Variants in SDCCAG8 observed in about 807,000 individuals in gnomAD.
The protein encoded by SDCCAG8 is SHH signaling and ciliogenesis regulator SDCCAG8.
In SDCCAG8, 74 loss-of-function variants were observed where a neutral mutation model predicts 101.8. That is an observed-to-expected ratio of 0.73 (90% CI 0.60 to 0.88). The LOEUF (loss-of-function observed/expected upper bound fraction) is 0.88, where lower values mean the gene tolerates loss of function less well. Among genes scored for constraint, SDCCAG8 ranks in the 40% least tolerant of loss-of-function variants. SDCCAG8 has a pLI of 0.00. For synonymous variants in SDCCAG8, 281 were observed against 292.9 expected (o/e 0.96, Z 0.41); for missense variants, 787 against 822.6 (o/e 0.96, Z 0.53).
chr1:243,429,441 G>T (rs543933968), intron 16 of SDCCAG8, among the ~76,000 whole-genome samples: 2 of 152,246 alleles, frequency 1.3e-5, no homozygotes, highest in South Asian at 2.1e-4. Context: ...TGTACAGGGG[G>T]TTGATGCTCC....
intron 9 of SDCCAG8, among the ~76,000 whole-genome samples, chr1:243,318,947 G>A (rs933251442): frequency 6.6e-6 from 1 of 152,156 alleles, no homozygotes; most frequent in Admixed American, 6.5e-5. Flanking sequence ...AATTTATAAA[G>A]AGAAGTAAGT....
chr1:243,452,133 C>T (rs1558488681), intron 16 of SDCCAG8, among the ~76,000 whole-genome samples: 1 of 152,188 alleles, frequency 6.6e-6, no homozygotes. Flanking sequence ...CACACACAGA[C>T]AGACAGTAGG....
intron 15 of SDCCAG8, among the ~76,000 whole-genome samples, chr1:243,422,024 A>G (rs2081046004): frequency 6.6e-6 from 1 of 152,136 alleles, no homozygotes; most frequent in South Asian, 2.1e-4. Flanking sequence ...GCTGGCAGGG[A>G]GTGAGCCTCT....
chr1:243,257,137 T>G (rs1003981083), intron 1 of SDCCAG8, among the ~76,000 whole-genome samples: 2 of 152,214 alleles, frequency 1.3e-5, no homozygotes, highest in Non-Finnish European at 2.9e-5. Flanking sequence ...GCAGTGATTT[T>G]AAGACTTCTT....
chr1:243,446,802 G>A (rs979244704), intron 16 of SDCCAG8, among the ~76,000 whole-genome samples: 1 of 152,132 alleles, frequency 6.6e-6, no homozygotes, highest in African/African-American at 2.4e-5. Context: ...GTGACCTGCT[G>A]CCCAGTTGGG....
chr1:243,314,918 C>T (rs2073100961), intron 8 of SDCCAG8, among the ~76,000 whole-genome samples: 1 of 152,200 alleles, frequency 6.6e-6, no homozygotes, highest in Admixed American at 6.5e-5. Context: ...GCATGTTGGT[C>T]AGGCTGGTCT....
Position 243,270,256 on chromosome 1 carries a change from T to C in SDCCAG8, c.219T>C (p.Ala73=). The C allele has an allele frequency of 1.2e-6, 2 of 1,614,056 alleles. No homozygotes were observed. The highest frequency in any genetic ancestry group is 1.7e-6 in the Non-Finnish European group (2 of 1,179,964). ...TAWPELQQSH[A]VNQLKDLLRQ... Reference sequence around the variant, plus strand: ...GGCCCGAATTACAACAGAGCCATGCTGGTGAGTGTGAATGTCAATCCTAGT... The same window carrying C: ...GGCCCGAATTACAACAGAGCCATGCCGGTGAGTGTGAATGTCAATCCTAGT... Residue 73 remains alanine, a splice_region_variant and synonymous_variant, in exon 2 of 18, where the codon GCT becomes GCC. Coordinates refer to ENST00000366541, the MANE Select transcript of SDCCAG8 (RefSeq NM_006642.5).
At chr1:243,327,995 C>T (rs148836453) in intron 9 of SDCCAG8, among the ~76,000 whole-genome samples, 9 of 151,052 alleles carry the variant, frequency 6.0e-5, no homozygotes, top group East Asian at 2.0e-4. Flanking sequence ...CTCCGCCTCC[C>T]GGGTTCACGC....
intron 17 of SDCCAG8, among the ~76,000 whole-genome samples, chr1:243,496,110 G>T (rs1217408885): frequency 6.6e-6 from 1 of 152,224 alleles, no homozygotes; most frequent in Non-Finnish European, 1.5e-5. Context: ...GATCATTGTG[G>T]GCTTGAAAGG....
Position 243,436,489 on chromosome 1 carries a change from ACT to A in SDCCAG8, c.1985+9934_1985+9935del, listed in dbSNP as rs1342368638. ...GTTGTTTTAGCACTATTTGTTAAAA[ACT>A]CTATTTTTGCTCTATTCTACTACTT... On this transcript the variant is annotated intron_variant, in intron 16 of 17. Transcript: ENST00000366541. Among the ~76,000 whole-genome samples, 3 of 151,662 alleles carry A rather than the reference ACT, an allele frequency of 2.0e-5. No homozygotes were observed. In the East Asian group the frequency reaches 5.8e-4, roughly 29 times the overall value.
At chr1:243,322,412 A>C (rs1390996114) in intron 9 of SDCCAG8, among the ~76,000 whole-genome samples, 3 of 152,198 alleles carry the variant, frequency 2.0e-5, no homozygotes, top group Non-Finnish European at 4.4e-5. Flanking sequence ...ACTCAACAAA[A>C]ATTAAAAATA....
At chr1:243,415,677 T>C in intron 13 of SDCCAG8, 25 bp from the exon 14 acceptor site, 1 of 1,613,604 alleles carries the variant, frequency 6.2e-7, no homozygotes, top group Non-Finnish European at 8.5e-7. Flanking sequence ...ATTAAATTTC[T>C]GTATGTCTCC....
At chr1:243,341,657 T>G (rs544999959) in intron 11 of SDCCAG8, among the ~76,000 whole-genome samples, 1 of 152,290 alleles carries the variant, frequency 6.6e-6, no homozygotes, top group South Asian at 2.1e-4. Context: ...GTCATTAAAA[T>G]AAAGATTCTA....
At chr1:243,372,932 CTA>C (rs1558373200) in intron 12 of SDCCAG8, among the ~76,000 whole-genome samples, 1 of 144,766 alleles carries the variant, frequency 6.9e-6, no homozygotes, top group African/African-American at 2.6e-5. Context: ...ATATCTATAT[CTA>C]TATCTATATC....
intron 4 of SDCCAG8, among the ~76,000 whole-genome samples, chr1:243,283,707 A>G (rs750668694): frequency 6.0e-4 from 91 of 151,852 alleles, no homozygotes; most frequent in Admixed American, 5.9e-4. Context: ...TATTTTTTCT[A>G]TTAGAGACCT....
chr1:243,411,389 T>C (rs2080165742), intron 13 of SDCCAG8, among the ~76,000 whole-genome samples: 1 of 152,174 alleles, frequency 6.6e-6, no homozygotes, highest in African/African-American at 2.4e-5. Flanking sequence ...AGTGCTGGGA[T>C]TACAGGTGTA....
At chr1:243,406,813 G>T (rs1463399706) in intron 13 of SDCCAG8, among the ~76,000 whole-genome samples, 1 of 152,078 alleles carries the variant, frequency 6.6e-6, no homozygotes, top group Non-Finnish European at 1.5e-5. Flanking sequence ...AGGGCACCTG[G>T]TTATCTCTCC....
intron 16 of SDCCAG8, among the ~76,000 whole-genome samples, chr1:243,436,457 A>G (rs1219076188): frequency 6.6e-6 from 1 of 152,002 alleles, no homozygotes; most frequent in East Asian, 1.9e-4. Flanking sequence ...TTGCATATGG[A>G]TATCTAGTTG....
intron 16 of SDCCAG8, among the ~76,000 whole-genome samples, chr1:243,487,344 C>G (rs1665162660): frequency 6.6e-6 from 1 of 152,242 alleles, no homozygotes; most frequent in Non-Finnish European, 1.5e-5. Context: ...GAAAGGCTGC[C>G]TCAGCCCCAG....
Sources: allele counts gnomAD v4.1 joint callset (sites outside exome capture counted in the v4.1 genomes callset), GRCh38; gene constraint gnomAD v4.1.1; transcripts MANE v1.5; gene names NCBI Gene and HGNC (gene_info 2026-07-23, HGNC 2026-07-21).